The following FRRS1L variants were observed in gnomAD, a reference collection of about 807,000 sequenced individuals.
The protein encoded by FRRS1L is ferric chelate reductase 1 like.
FRRS1L carries 22 observed loss-of-function variants against 28.6 expected under a neutral mutation model. The ratio of observed to expected loss-of-function variants is 0.77; its 90% CI spans 0.55 to 1.10. The LOEUF (loss-of-function observed/expected upper bound fraction) is 1.10. FRRS1L is among the 50% of genes least tolerant of loss of function. The pLI, the probability that FRRS1L is intolerant of heterozygous loss-of-function variation, is 0.00. For missense variants in FRRS1L, 380 were observed against 386.9 expected, an observed-to-expected ratio of 0.98 and a Z score of 0.15; for synonymous variants, 158 against 151.4, an observed-to-expected ratio of 1.04 and a Z score of -0.32.
chr9:109,162,339 T>C (rs951712299), intron 1 of FRRS1L, among the ~76,000 whole-genome samples: 5 of 151,938 alleles, frequency 3.3e-5, no homozygotes, highest in African/African-American at 1.2e-4. Flanking sequence ...AAAAAGCAAT[T>C]CTACCTGTCC....
At chr9:109,153,970 C>G (rs1831371586) in intron 1 of FRRS1L, among the ~76,000 whole-genome samples, 1 of 152,190 alleles carries the variant, frequency 6.6e-6, no homozygotes, top group African/African-American at 2.4e-5. Context: ...CTGCCAATAG[C>G]AAGCATTAGA....
chr9:109,149,491 G>A, intron 2 of FRRS1L, 145 bp downstream of exon 2: 1 of 591,860 alleles, frequency 1.7e-6, no homozygotes, highest in Non-Finnish European at 3.0e-6. Flanking sequence ...AAAGCGGGAT[G>A]GCCGTTACGA....
intron 3 of FRRS1L, among the ~76,000 whole-genome samples, chr9:109,143,955 A>C (rs1215570632): frequency 6.6e-6 from 1 of 152,170 alleles, no homozygotes; most frequent in East Asian, 1.9e-4. Flanking sequence ...TTCACAGATA[A>C]TATGACAGTA....
At chr9:109,149,342 T>G (rs1831300649) in intron 2 of FRRS1L, among the ~76,000 whole-genome samples, 2 of 152,256 alleles carry the variant, frequency 1.3e-5, no homozygotes, top group Admixed American at 6.5e-5. Context: ...AGACACGTTC[T>G]GTGTCACATG....
chr9:109,164,637 C>A (rs1308265437), intron 1 of FRRS1L, among the ~76,000 whole-genome samples: 1 of 151,928 alleles, frequency 6.6e-6, no homozygotes, highest in Non-Finnish European at 1.5e-5. Context: ...ACCTCCTGAT[C>A]CACCCACCTC....
At chr9:109,154,971 A>G (rs1371316681) in intron 1 of FRRS1L, among the ~76,000 whole-genome samples, 1 of 152,216 alleles carries the variant, frequency 6.6e-6, no homozygotes, top group Admixed American at 6.5e-5. Flanking sequence ...CAAGATTATC[A>G]TCCTGAAACT....
rs1449615167 is a variant in FRRS1L at position 109,131,200 on chromosome 9, A to G, written c.*6255T>C. The G allele has an allele frequency of 6.6e-6, 1 of 152,380 alleles. No homozygotes were observed. The highest frequency in any genetic ancestry group is 2.1e-4 in the South Asian group (1 of 4,834). 9.4% of individuals were successfully genotyped at this position (152,380 alleles called of 1,614,324 possible). On this transcript the variant is annotated 3_prime_UTR_variant, in exon 5 of 5. Coordinates refer to ENST00000561981, the MANE Select transcript of FRRS1L (RefSeq NM_014334.4). Reference sequence around the variant, plus strand: ...CAAAACCTGTATAGGTTGCATCAACATGCCAGTTACTCAGCTAACACTAGT... The same window carrying G: ...CAAAACCTGTATAGGTTGCATCAACGTGCCAGTTACTCAGCTAACACTAGT...
At chr9:109,139,191 T>G (rs1410461851) in intron 4 of FRRS1L, 1 of 150,646 alleles carries the variant, frequency 6.6e-6, no homozygotes, top group Non-Finnish European at 1.5e-5. Context: ...AGAGTGAGAC[T>G]CCGTTTAAAA....
At position 109,147,142 on chromosome 9, in the gene FRRS1L, C is replaced by T. The variant is rs1370731778; in HGVS notation, c.371G>A (p.Ser124Asn). The T allele has an allele frequency of 6.2e-7, 1 of 1,613,464 alleles. No homozygotes were observed. The highest frequency in any genetic ancestry group is 2.2e-5 in the East Asian group (1 of 44,894). ...CNAETCDYFL[S>N]YRMIGADVEF... ...TACATCAGCCCCTATCATCCGGTAG[C>T]TGAGGAAATAGTCACAGGTCTCTGC... The change falls in exon 3 of 5, where the codon AGC becomes AAC. Residue 124 changes from serine (S) to asparagine (N), a missense_variant. Ser to Asn is a conservative substitution (Grantham distance 46, BLOSUM62 1). Transcript: ENST00000561981.
intron 3 of FRRS1L, among the ~76,000 whole-genome samples, chr9:109,146,090 G>A (rs1831256805): frequency 6.6e-6 from 1 of 152,054 alleles, no homozygotes; most frequent in Non-Finnish European, 1.5e-5. Context: ...CCAGCTACTT[G>A]GGATGCTGAG....
At chr9:109,142,762 G>A (rs912799150) in intron 3 of FRRS1L, among the ~76,000 whole-genome samples, 3 of 151,846 alleles carry the variant, frequency 2.0e-5, no homozygotes, top group Admixed American at 1.3e-4. Context: ...AGTCTTGTTT[G>A]TGCCACTGCA....
chr9:109,146,749 T>C (rs1024448689), intron 3 of FRRS1L, among the ~76,000 whole-genome samples: 2 of 152,222 alleles, frequency 1.3e-5, no homozygotes, highest in South Asian at 2.1e-4. Context: ...AGTCAATCCA[T>C]GAACATGTGA....
At chr9:109,147,348 G>A in intron 2 of FRRS1L, 159 bp from the exon 3 acceptor site, 1 of 629,942 alleles carries the variant, frequency 1.6e-6, no homozygotes, top group East Asian at 2.8e-5. Flanking sequence ...TCTCTTAGGA[G>A]GAACCTTAGA....
Position 109,164,396 on chromosome 9 carries a change from A to ATT in FRRS1L, c.238+2503_238+2504dup, listed in dbSNP as rs61154383. 7.9e-3 allele frequency among the ~76,000 whole-genome samples: 1,061 copies of ATT among 134,696 alleles called. 20 individuals are homozygous for ATT. Among genetic ancestry groups the ATT allele is most frequent in the African/African-American group, 0.018 (651 of 36,034 alleles). 88.4% of individuals were successfully genotyped at this position (134,696 alleles called of 152,430 possible). A position where few individuals can be genotyped will look rare whatever the true frequency, so the allele number is the denominator to read the frequency against. On this transcript the variant is annotated intron_variant, in intron 1 of 4. Coordinates refer to ENST00000561981, the MANE Select transcript of FRRS1L (RefSeq NM_014334.4). The stretch of plus-strand genomic sequence containing the variant: ...GAATATTCATTCAGGGAGCAGGTTG[A>ATT]TTTTTTTTTTTTTTTTTTGAGACCG...
intron 3 of FRRS1L, among the ~76,000 whole-genome samples, chr9:109,144,088 G>A (rs1276431585): frequency 6.6e-6 from 1 of 152,056 alleles, no homozygotes; most frequent in Non-Finnish European, 1.5e-5. Context: ...ACAGGAAGTG[G>A]TCACTTTCAA....
chr9:109,161,281 T>G (rs1323776989), intron 1 of FRRS1L, among the ~76,000 whole-genome samples: 3 of 152,230 alleles, frequency 2.0e-5, no homozygotes, highest in Non-Finnish European at 2.9e-5. Context: ...GCTTGTTCCT[T>G]TCTCTCCATT....
At position 109,131,458 on chromosome 9, in the gene FRRS1L, G is replaced by A. The variant is rs992134605; in HGVS notation, c.*5997C>T. On this transcript the variant is annotated 3_prime_UTR_variant, in exon 5 of 5. Transcript: ENST00000561981. The stretch of plus-strand genomic sequence containing the variant: ...AGAGATCAGAAACAGAAACAACCTT[G>A]ACAAAGACCTTCAAATGCTCATGGT... 6.6e-6 allele frequency: 1 copy of A among 152,130 alleles called. No homozygotes were observed. Among genetic ancestry groups the A allele is most frequent in the African/African-American group, 2.4e-5 (1 of 41,426 alleles). 9.4% of individuals were successfully genotyped at this position (152,130 alleles called of 1,614,324 possible). A position where few individuals can be genotyped will look rare whatever the true frequency, so the allele number is the denominator to read the frequency against.
rs1831056613 is a variant in FRRS1L at position 109,131,544 on chromosome 9, G to A, written c.*5911C>T. The A allele has an allele frequency of 6.6e-6, 1 of 152,180 alleles. No individual in the cohort carries two copies. 9.4% of individuals were successfully genotyped at this position (152,180 alleles called of 1,614,324 possible). ...ATCATGTATGTACAAATATACACAT[G>A]CTCCTCAAGTTACAAGAGGGTTATG... On this transcript the variant is annotated 3_prime_UTR_variant, in exon 5 of 5. Coordinates refer to ENST00000561981, the MANE Select transcript of FRRS1L (RefSeq NM_014334.4).
At chr9:109,147,298 T>A in intron 2 of FRRS1L, 109 bp from the exon 3 acceptor site, 1 of 923,630 alleles carries the variant, frequency 1.1e-6, no homozygotes, top group Non-Finnish European at 1.7e-6. Flanking sequence ...TTAAACACAT[T>A]GGATTTTTGC....
Sources: gnomAD v4.1 joint callset for allele counts (sites outside exome capture counted in the v4.1 genomes callset) on GRCh38, gnomAD v4.1.1 for gene constraint, MANE v1.5 for transcripts, NCBI Gene and HGNC (gene_info 2026-07-23, HGNC 2026-07-21) for gene names.